Variants in CIT observed in about 807,000 individuals in gnomAD.
CIT encodes the protein citron Rho-interacting kinase.
Under a neutral mutation model 272.7 loss-of-function variants are expected in CIT, and 79 were observed. That is an observed-to-expected ratio of 0.29 (90% CI 0.24 to 0.35). The LOEUF is 0.35. Ranked by LOEUF, CIT falls within the 10% of genes least tolerant of loss-of-function variation. CIT has a pLI of 1.00. For missense variants in CIT, 1,909 were observed against 2,618.3 expected (o/e 0.73, Z 5.91); for synonymous variants, 948 against 995.6 (o/e 0.95, Z 0.90).
At chr12:119,862,141 C>T (rs1171671606) in intron 3 of CIT, among the ~76,000 whole-genome samples, 1 of 152,076 alleles carries the variant, frequency 6.6e-6, no homozygotes. Context: ...GCTGGAACTA[C>T]AGGTGCCCAC....
chr12:119,714,252 C>A lies in CIT; in HGVS notation c.4251G>T (p.Lys1417Asn), dbSNP rs1319497215. The A allele has an allele frequency of 3.7e-6, 6 of 1,614,026 alleles. No individual in the cohort carries two copies. The highest frequency in any genetic ancestry group is 5.1e-6 in the Non-Finnish European group (6 of 1,180,042). The change falls in exon 33 of 48, where the codon AAG becomes AAT. Residue 1417 changes from lysine (K) to asparagine (N), a missense_variant. Transcript: ENST00000392521. The stretch of plus-strand genomic sequence containing the variant: ...GCACGGTATCCAGACACACAGCACA[C>A]TTTGTGGCTCGCATGTTCAGTCCTA... Reference protein sequence around the residue: ...FNVGLNMRATKCAVCLDTVHF... With the variant: ...FNVGLNMRATNCAVCLDTVHF...
At chr12:119,845,941 A>AAAAC (rs1969772706) in intron 5 of CIT, among the ~76,000 whole-genome samples, 1 of 108,622 alleles carries the variant, frequency 9.2e-6, no homozygotes. Context: ...ACTCCATCTC[A>AAAAC]AAACACACAC....
intron 5 of CIT, among the ~76,000 whole-genome samples, chr12:119,843,373 T>A (rs1969541120): frequency 6.6e-6 from 1 of 151,838 alleles, no homozygotes; most frequent in Non-Finnish European, 1.5e-5. Context: ...GCAGGGAAAA[T>A]ACTTCAGAGG....
intron 14 of CIT, 52 bp from the exon 15 acceptor site, chr12:119,776,460 T>C (rs772707966): frequency 3.2e-5 from 47 of 1,454,880 alleles, no homozygotes; most frequent in Admixed American, 1.2e-4. Flanking sequence ...CCTAAAAAAG[T>C]CGTGTAGACT....
chr12:119,859,684 G>T lies in CIT; in HGVS notation c.239-1986C>A, dbSNP rs200551230. On this transcript the variant is annotated intron_variant, in intron 3 of 47. Transcript: ENST00000392521. ...ATACAAAAATTAGCTGCACACAAGC[G>T]GCCGCTTTTAATCTCAGCTGCTCGG... Among the ~76,000 whole-genome samples the T allele has an allele frequency of 5.3e-5, 8 of 152,054 alleles. No homozygotes were observed. The East Asian group carries it at 1.5e-3, about 29-fold the overall frequency.
At chr12:119,789,577 G>A (rs1045358334) in intron 10 of CIT, among the ~76,000 whole-genome samples, 46 of 152,142 alleles carry the variant, frequency 3.0e-4, no homozygotes, top group African/African-American at 1.0e-3. Context: ...TAGACATGGG[G>A]AAATTCAATC....
Position 119,784,458 on chromosome 12 carries a change from A to G in CIT, c.1402-407T>C, listed in dbSNP as rs1016954745. On this transcript the variant is annotated intron_variant, in intron 11 of 47. Coordinates refer to ENST00000392521, the MANE Select transcript of CIT (RefSeq NM_001206999.2). The surrounding 1 kb of genome is among the most constrained non-coding windows in gnomAD (Gnocchi z 4.7). ...CAAATCCAGGACAGGGCAAGGAGAT[A>G]TTTATTCGTCTGCACTCTTAGGAGT... 1.7e-6 allele frequency: 2 copies of G among 1,200,584 alleles called. No individual in the cohort carries two copies. The highest frequency in any genetic ancestry group is 3.2e-5 in the African/African-American group (2 of 63,070). The allele number at this position is 1,200,584 out of a possible 1,614,324, so 74.4% of individuals were successfully genotyped here.
intron 23 of CIT, among the ~76,000 whole-genome samples, chr12:119,744,228 A>G (rs1593560817): frequency 6.6e-6 from 1 of 152,220 alleles, no homozygotes; most frequent in Admixed American, 6.5e-5. Context: ...ACATAAGGAA[A>G]AGGACTTACT....
intron 5 of CIT, among the ~76,000 whole-genome samples, chr12:119,842,444 G>C (rs1440704375): frequency 6.7e-6 from 1 of 148,316 alleles, no homozygotes; most frequent in African/African-American, 2.5e-5. Context: ...AAAACTATGT[G>C]TTCTTTGTGA....
At chr12:119,805,847 G>A (rs1357032700) in intron 9 of CIT, among the ~76,000 whole-genome samples, 1 of 152,160 alleles carries the variant, frequency 6.6e-6, no homozygotes, top group Non-Finnish European at 1.5e-5. Context: ...AAAGGAAGAA[G>A]AAGTAGGCCA....
In CIT at chr12:119,759,471, T is replaced by C. The variant is rs772722533; in HGVS notation, c.2422-771A>G. 2.9e-4 allele frequency among the ~76,000 whole-genome samples: 44 copies of C among 151,960 alleles called. 1 individual carries two copies. Among genetic ancestry groups the C allele is most frequent in the South Asian group, 1.0e-3 (5 of 4,806 alleles). On this transcript the variant is annotated intron_variant, in intron 20 of 47. Transcript: ENST00000392521. ...GACCAGCCTGGCCAACATGGAGAAATGCTGTCTTTACTAAAAATACAAAAA... is the reference window on the plus strand; with the variant it reads ...GACCAGCCTGGCCAACATGGAGAAACGCTGTCTTTACTAAAAATACAAAAA...
chr12:119,745,398 A>AAAAAAAAAAAAAAAACC (rs1372544069), intron 23 of CIT, among the ~76,000 whole-genome samples: 1 of 145,084 alleles, frequency 6.9e-6, no homozygotes, highest in Admixed American at 6.9e-5. Flanking sequence ...AAAAAAAAAA[A>AAAAAAAAAAAAAAAACC]CACCTGTCCA....
chr12:119,869,991 A>G (rs957809066), intron 2 of CIT, among the ~76,000 whole-genome samples: 6 of 151,970 alleles, frequency 3.9e-5, no homozygotes, highest in African/African-American at 1.5e-4. Flanking sequence ...ACTCATTTAT[A>G]CTCACTGCCT....
intron 13 of CIT, chr12:119,782,302 A>T (rs1417467693): frequency 2.3e-6 from 1 of 437,138 alleles, no homozygotes; most frequent in Admixed American, 3.7e-5. Context: ...ATGGGGTATC[A>T]GCTTCAAAAG....
intron 10 of CIT, among the ~76,000 whole-genome samples, chr12:119,787,544 A>C: frequency 6.6e-6 from 1 of 151,776 alleles, no homozygotes; most frequent in East Asian, 1.9e-4. Flanking sequence ...ATCCTGGCTA[A>C]CACGGTGAAA....
Position 119,776,605 on chromosome 12 carries a change from C to T in CIT, c.1836+67G>A, listed in dbSNP as rs866786251. 2.9e-5 allele frequency: 43 copies of T among 1,483,140 alleles called. 2 individuals carry two copies. The Middle Eastern group carries it at 6.5e-3, about 226-fold the overall frequency. 91.9% of individuals were successfully genotyped at this position (1,483,140 alleles called of 1,614,324 possible). ...GTTGTTTCTCATTAAACTAGGTTCT[C>T]CTTTTTCTTGCTAAGATCATGTACA... is the stretch of plus-strand genomic sequence containing the variant. On this transcript the variant is annotated intron_variant, in intron 14 of 47. Coordinates refer to ENST00000392521, the MANE Select transcript of CIT (RefSeq NM_001206999.2).
At chr12:119,799,731 TC>T (rs1966024722) in intron 10 of CIT, among the ~76,000 whole-genome samples, 1 of 152,128 alleles carries the variant, frequency 6.6e-6, no homozygotes, top group Non-Finnish European at 1.5e-5. Context: ...ATTTTTACCT[TC>T]TACAGCAAGC....
chr12:119,782,978 T>C, intron 12 of CIT: 1 of 175,488 alleles, frequency 5.7e-6, no homozygotes, highest in Non-Finnish European at 1.2e-5. Flanking sequence ...TGTGGATAGC[T>C]ACAAAGTGTT....
chr12:119,713,600 G>A lies in CIT; in HGVS notation c.4355C>T (p.Thr1452Ile), dbSNP rs201859701. The A allele has an allele frequency of 1.9e-5, 31 of 1,614,248 alleles. No homozygotes were observed. In the East Asian group the frequency reaches 5.1e-4, roughly 27 times the overall value. ...GGCATATTCAGCAGGCAAGCCGCAG[G>A]TGGCTGGCAAGCACGTGGAGCACTT... is the stretch of plus-strand genomic sequence containing the variant. Reference protein sequence around the residue: ...HPKCSTCLPATCGLPAEYATH... With the variant: ...HPKCSTCLPAICGLPAEYATH... The change falls in exon 34 of 48, where the codon ACC (threonine) becomes ATC (isoleucine). Residue 1452 changes from threonine (T) to isoleucine (I), a missense_variant. Transcript: ENST00000392521. This position sits in a 1 kb window ranked among gnomAD's most constrained non-coding sequence, Gnocchi z 5.2.
Sources: allele counts gnomAD v4.1 joint callset (sites outside exome capture counted in the v4.1 genomes callset), GRCh38; gene constraint gnomAD v4.1.1; non-coding constraint Gnocchi (gnomAD v3.1); transcripts MANE v1.5; gene names NCBI Gene and HGNC (gene_info 2026-07-23, HGNC 2026-07-21).